Variants in TMEM165 observed in about 807,000 individuals in gnomAD.
TMEM165 encodes putative divalent cation/proton antiporter TMEM165.
Under a neutral mutation model 30.0 loss-of-function variants are expected in TMEM165, and 19 were observed. The ratio of observed to expected loss-of-function variants is 0.63; its 90% CI spans 0.44 to 0.93. TMEM165 has a LOEUF of 0.93. TMEM165 is among the 40% of genes least tolerant of loss of function. The probability of loss-of-function intolerance (pLI) is 0.00; values close to 1 mark genes in which losing one functional copy is unlikely to be tolerated. For synonymous variants in TMEM165, 168 were observed against 162.9 expected (o/e 1.03, Z -0.24); for missense variants, 340 against 417.0 (o/e 0.82, Z 1.61).
chr4:55,409,958 G>C (rs531174344), intron 1 of TMEM165, among the ~76,000 whole-genome samples: 1 of 151,848 alleles, frequency 6.6e-6, no homozygotes, highest in Non-Finnish European at 1.5e-5. Flanking sequence ...ATGATACCCC[G>C]TCCTTCCTGG....
At chr4:55,428,588 G>A (rs1722331449), downstream of TMEM165, 1 of 152,000 alleles carries the variant, frequency 6.6e-6, no homozygotes, top group South Asian at 2.1e-4. Flanking sequence ...AGATCAATTA[G>A]CCGTTTTTAG....
intron 3 of TMEM165, chr4:55,443,629 A>C: frequency 7.7e-7 from 1 of 1,291,980 alleles, no homozygotes; most frequent in Non-Finnish European, 1.1e-6. Context: ...CTGCTTCAGC[A>C]ATAGTGTGCC....
chr4:55,402,948 G>A (rs1320355828), intron 1 of TMEM165, among the ~76,000 whole-genome samples: 1 of 151,338 alleles, frequency 6.6e-6, no homozygotes, highest in South Asian at 2.1e-4. Context: ...CCCGCCACAC[G>A]CCCAGCTAAT....
intron 1 of TMEM165, 48 bp from the exon 2 acceptor site, chr4:55,411,566 A>G (rs371312564): frequency 6.2e-5 from 93 of 1,501,882 alleles, no homozygotes; most frequent in Non-Finnish European, 7.5e-5. Context: ...GCAAAATAAA[A>G]TAATTTTGAA....
At chr4:55,398,042 G>C (rs960250745) in intron 1 of TMEM165, among the ~76,000 whole-genome samples, 1 of 152,232 alleles carries the variant, frequency 6.6e-6, no homozygotes, top group Middle Eastern at 3.4e-3. Context: ...TTGTTTTCGT[G>C]TTTCATGTTT....
Position 55,425,585 on chromosome 4 carries a change from TTA to T in TMEM165, c.*135_*136del. ...CTGATTTTGTGAGTTTGACCCATTA[TTA>T]TGTCTGAGATATAATCATTGATTCT... On this transcript the variant is annotated 3_prime_UTR_variant, in exon 6 of 6. Coordinates refer to ENST00000381334, the MANE Select transcript of TMEM165 (RefSeq NM_018475.5). 1.5e-6 allele frequency: 1 copy of T among 670,122 alleles called. No homozygotes were observed. The highest frequency in any genetic ancestry group is 3.0e-5 in the Admixed American group (1 of 33,166). 41.5% of individuals were successfully genotyped at this position (670,122 alleles called of 1,614,324 possible).
At chr4:55,427,994 T>TGA (rs1722306624), downstream of TMEM165, 2 of 152,336 alleles carry the variant, frequency 1.3e-5, no homozygotes, top group Admixed American at 1.3e-4. Context: ...AGGTGTTATT[T>TGA]TTTGAGAAAT....
chr4:55,413,076 C>T (rs1319245122), intron 2 of TMEM165, among the ~76,000 whole-genome samples: 1 of 151,544 alleles, frequency 6.6e-6, no homozygotes, highest in Non-Finnish European at 1.5e-5. Context: ...AACTCCTGGG[C>T]TCAAGTGATC....
chr4:55,450,018 A>T, intron 3 of TMEM165: 1 of 1,538,584 alleles, frequency 6.5e-7, no homozygotes, highest in Non-Finnish European at 9.0e-7. Flanking sequence ...TTTGATGAGA[A>T]ATGCTGATAT....
At chr4:55,428,679 A>G (rs1332834222), downstream of TMEM165, 5 of 152,214 alleles carry the variant, frequency 3.3e-5, no homozygotes, top group Admixed American at 6.5e-5. Flanking sequence ...AAGGACAGCA[A>G]TGTCAAGAAT....
intron 3 of TMEM165, among the ~76,000 whole-genome samples, chr4:55,439,467 A>G (rs1248085367): frequency 2.0e-5 from 3 of 152,180 alleles, no homozygotes; most frequent in African/African-American, 7.2e-5. Context: ...GTTCCTCAAA[A>G]AATTCACTAT....
rs1386490721 is a variant in TMEM165 at position 55,420,149 on chromosome 4, T to A, written c.792+2164T>A. Among the ~76,000 whole-genome samples, 63 of 103,900 alleles carry A rather than the reference T, an allele frequency of 6.1e-4. 14 individuals are homozygous for A. Among genetic ancestry groups the A allele is most frequent in the Non-Finnish European group, 1.1e-3 (55 of 48,820 alleles). The allele number at this position is 103,900 out of a possible 152,430, so 68.2% of individuals were successfully genotyped here. On this transcript the variant is annotated intron_variant, in intron 4 of 5. Transcript: ENST00000381334. ...TATATATTTATTTATTTATTTATTT[T>A]ATTTATTTATTTAATGGCTGTACCC... is the stretch of plus-strand genomic sequence containing the variant.
intron 1 of TMEM165, among the ~76,000 whole-genome samples, chr4:55,408,168 CTT>C (rs1345907410): frequency 3.3e-5 from 5 of 152,166 alleles, no homozygotes; most frequent in Non-Finnish European, 5.9e-5. Context: ...TACCCCGATA[CTT>C]TTCGTTTTAA....
chr4:55,451,313 T>C (rs1724426953), intron 3 of TMEM165, among the ~76,000 whole-genome samples: 1 of 152,248 alleles, frequency 6.6e-6, no homozygotes, highest in South Asian at 2.1e-4. Context: ...CTGAATCTGA[T>C]ACAGCTGATC....
chr4:55,448,718 A>T, intron 3 of TMEM165: 2 of 1,420,594 alleles, frequency 1.4e-6, no homozygotes, highest in Middle Eastern at 1.8e-4. Flanking sequence ...AAAAAATTAC[A>T]TTAGCTTAAA....
rs902500531 is a variant in TMEM165, at chr4:55,403,152, T to A, written c.207+6756T>A. The A allele has an allele frequency of 4.4e-6, 4 of 906,848 alleles. No individual in the cohort carries two copies. The Admixed American group carries it at 7.5e-5, about 17-fold the overall frequency. The allele number at this position is 906,848 out of a possible 1,614,324, so 56.2% of individuals were successfully genotyped here. Reference sequence around the variant, plus strand: ...GACAGTTCTAAGCAAATTGTAAGCATTTTCTTCTGACTCCTTTGTCTTCAG... The same window carrying A: ...GACAGTTCTAAGCAAATTGTAAGCAATTTCTTCTGACTCCTTTGTCTTCAG... On this transcript the variant is annotated intron_variant, in intron 1 of 5. Coordinates refer to ENST00000381334, the MANE Select transcript of TMEM165 (RefSeq NM_018475.5).
intron 3 of TMEM165, among the ~76,000 whole-genome samples, chr4:55,436,933 G>C (rs1722927358): frequency 9.1e-6 from 1 of 109,784 alleles, no homozygotes; most frequent in Non-Finnish European, 1.9e-5. Context: ...ATTCTTTTAA[G>C]GGCCTTTGTT....
At chr4:55,407,021 G>A (rs1029494878) in intron 1 of TMEM165, among the ~76,000 whole-genome samples, 1 of 152,182 alleles carries the variant, frequency 6.6e-6, no homozygotes, top group Non-Finnish European at 1.5e-5. Flanking sequence ...TTTGTAATCC[G>A]AAAAGGTCAA....
At chr4:55,401,115 A>G (rs1720978529) in intron 1 of TMEM165, among the ~76,000 whole-genome samples, 1 of 150,670 alleles carries the variant, frequency 6.6e-6, no homozygotes, top group South Asian at 2.1e-4. Flanking sequence ...GATATGTTAT[A>G]AAAACCTAGT....
Sources: allele counts gnomAD v4.1 joint callset (sites outside exome capture counted in the v4.1 genomes callset), GRCh38; gene constraint gnomAD v4.1.1; transcripts MANE v1.5; gene names NCBI Gene and HGNC (gene_info 2026-07-23, HGNC 2026-07-21).